Variants in AK5 observed in about 807,000 individuals in gnomAD.
AK5 encodes adenylate kinase isoenzyme 5.
AK5 carries 27 observed loss-of-function variants against 69.5 expected under a neutral mutation model. The observed-to-expected ratio is 0.39, with a 90% CI of 0.29 to 0.54. The LOEUF is 0.54. Among genes scored for constraint, AK5 ranks in the 20% least tolerant of loss-of-function variants. The probability of loss-of-function intolerance (pLI) is 0.71; values close to 1 mark genes in which losing one functional copy is unlikely to be tolerated. For missense variants in AK5, 531 were observed against 700.4 expected (o/e 0.76, Z 2.73); for synonymous variants, 260 against 244.4 (o/e 1.06, Z -0.60).
At chr1:77,293,758 T>C in intron 2 of AK5, 35 bp from the exon 3 acceptor site, 1 of 1,554,540 alleles carries the variant, frequency 6.4e-7, no homozygotes, top group Non-Finnish European at 8.7e-7. Context: ...ATTATGGTGT[T>C]TTTTCCTTTT....
chr1:77,546,170 A>G (rs1570347446), intron 13 of AK5, among the ~76,000 whole-genome samples: 3 of 152,206 alleles, frequency 2.0e-5, no homozygotes, highest in Admixed American at 2.0e-4. Flanking sequence ...AGAGAATTCC[A>G]GGCCCTTTTG....
Position 77,292,854 on chromosome 1 carries a change from C to T in AK5, c.248-939C>T, listed in dbSNP as rs17100210. Reference sequence around the variant, plus strand: ...TGTAATTCATTAAATTACCGTGGTGCTTATCAGAGAGATACTCATTTTAAC... The same window carrying T: ...TGTAATTCATTAAATTACCGTGGTGTTTATCAGAGAGATACTCATTTTAAC... On this transcript the variant is annotated intron_variant, in intron 2 of 13. Coordinates refer to ENST00000354567, the MANE Select transcript of AK5 (RefSeq NM_174858.3). Among the ~76,000 whole-genome samples the T allele has an allele frequency of 8.8e-3, 1,332 of 152,206 alleles. 24 individuals are homozygous for T. Among genetic ancestry groups the T allele is most frequent in the Admixed American group, 0.046 (710 of 15,284 alleles).
At chr1:77,358,877 G>A (rs1377752120) in intron 6 of AK5, among the ~76,000 whole-genome samples, 1 of 151,036 alleles carries the variant, frequency 6.6e-6, no homozygotes, top group African/African-American at 2.4e-5. Flanking sequence ...TATAAGGATT[G>A]GTTTAAATTA....
At chr1:77,478,870 C>T (rs1570224261) in intron 8 of AK5, among the ~76,000 whole-genome samples, 1 of 152,008 alleles carries the variant, frequency 6.6e-6, no homozygotes, top group East Asian at 1.9e-4. Flanking sequence ...ACATATATAC[C>T]CCAATTAGCC....
intron 6 of AK5, among the ~76,000 whole-genome samples, chr1:77,389,690 G>A (rs943171595): frequency 4.6e-5 from 7 of 152,160 alleles, no homozygotes; most frequent in Non-Finnish European, 1.0e-4. Flanking sequence ...GGCTGGGCAC[G>A]ATGGCTCATG....
intron 12 of AK5, among the ~76,000 whole-genome samples, chr1:77,524,272 GCATTA>G: frequency 6.6e-6 from 1 of 152,254 alleles, no homozygotes; most frequent in East Asian, 1.9e-4. Context: ...TCAAGTTCCT[GCATTA>G]GTTCTTTTGG....
chr1:77,289,091 A>C (rs1290532265), intron 2 of AK5, among the ~76,000 whole-genome samples: 1 of 152,238 alleles, frequency 6.6e-6, no homozygotes, highest in Non-Finnish European at 1.5e-5. Flanking sequence ...TTTGATAACC[A>C]AGATGAGTCC....
intron 10 of AK5, among the ~76,000 whole-genome samples, chr1:77,487,220 T>C (rs1655662304): frequency 6.6e-6 from 1 of 152,198 alleles, no homozygotes; most frequent in South Asian, 2.1e-4. Context: ...TTACCTAGTC[T>C]ATTCCTATTA....
intron 11 of AK5, among the ~76,000 whole-genome samples, chr1:77,519,437 C>T (rs1157225124): frequency 6.6e-6 from 1 of 152,194 alleles, no homozygotes; most frequent in African/African-American, 2.4e-5. Flanking sequence ...ACTCTTTTCC[C>T]TAAAGTCTCC....
chr1:77,462,200 C>T (rs1653882055), intron 8 of AK5, among the ~76,000 whole-genome samples: 1 of 152,190 alleles, frequency 6.6e-6, no homozygotes, highest in Non-Finnish European at 1.5e-5. Context: ...AGCATTACAA[C>T]TTCCACACAA....
intron 8 of AK5, among the ~76,000 whole-genome samples, chr1:77,444,310 CACAATATATGTG>C (rs1652559813): frequency 1.9e-5 from 1 of 51,436 alleles, no homozygotes; most frequent in African/African-American, 9.1e-5. Context: ...AGTATATATA[CACAATATATGTG>C]TATATATATA....
intron 2 of AK5, among the ~76,000 whole-genome samples, chr1:77,289,766 G>A (rs1027505976): frequency 1.1e-4 from 17 of 150,370 alleles, no homozygotes; most frequent in Non-Finnish European, 2.9e-5. Flanking sequence ...GGGAGGCTGA[G>A]GCAGGAGAAT....
At chr1:77,469,498 G>A (rs1654334465) in intron 8 of AK5, among the ~76,000 whole-genome samples, 1 of 152,194 alleles carries the variant, frequency 6.6e-6, no homozygotes, top group South Asian at 2.1e-4. Context: ...CTGCCTTATG[G>A]ATTTCAGACT....
intron 12 of AK5, among the ~76,000 whole-genome samples, chr1:77,531,020 G>GCACACA (rs1658541497): frequency 6.6e-6 from 1 of 152,126 alleles, no homozygotes; most frequent in Non-Finnish European, 1.5e-5. Context: ...GTGGTCCTGT[G>GCACACA]TCCGGAAATG....
At position 77,550,068 on chromosome 1, in the gene AK5, G is replaced by A. The variant is rs1026164244; in HGVS notation, c.1621-8534G>A. ...CTTGAACTCCTGGCCTCAAGCCATC[G>A]TTCACCTCAGCCTCTCCAGTAGCTA... On this transcript the variant is annotated intron_variant, in intron 13 of 13. Coordinates refer to ENST00000354567, the MANE Select transcript of AK5 (RefSeq NM_174858.3). 2.0e-5 allele frequency among the ~76,000 whole-genome samples: 3 copies of A among 151,920 alleles called. No individual in the cohort carries two copies. The South Asian group carries it at 6.2e-4, about 32-fold the overall frequency.
At chr1:77,511,067 AG>A (rs1490989412) in intron 10 of AK5, among the ~76,000 whole-genome samples, 3 of 151,476 alleles carry the variant, frequency 2.0e-5, no homozygotes, top group Non-Finnish European at 4.4e-5. Context: ...TCATATATAT[AG>A]TACCACAATA....
intron 8 of AK5, among the ~76,000 whole-genome samples, chr1:77,444,847 G>A (rs898047252): frequency 7.9e-5 from 12 of 151,268 alleles, no homozygotes; most frequent in African/African-American, 2.7e-4. Flanking sequence ...AAAGTGCTGG[G>A]ATTATCAGGT....
chr1:77,533,003 C>T (rs1658735330), intron 12 of AK5, among the ~76,000 whole-genome samples: 1 of 152,198 alleles, frequency 6.6e-6, no homozygotes, highest in African/African-American at 2.4e-5. Context: ...GATGGTATCT[C>T]ATTGAAACAT....
rs1654433075 is a variant in AK5, at chr1:77,470,850, TATATATATATA to T, written c.1060-12466_1060-12456del. Among the ~76,000 whole-genome samples the T allele has an allele frequency of 3.6e-3, 53 of 14,840 alleles. 6 individuals are homozygous for T. The highest frequency in any genetic ancestry group is 4.2e-3 in the African/African-American group (16 of 3,818). The allele number at this position is 14,840 out of a possible 152,430, so 9.7% of individuals were successfully genotyped here. A position where few individuals can be genotyped will look rare whatever the true frequency, so the allele number is the denominator to read the frequency against. Reference sequence around the variant, plus strand: ...GAATATATATATATATATATATATATATATATATATATATATATATATATATTTTTTTTTTT... The same window carrying T: ...GAATATATATATATATATATATATATTATATATATATATATTTTTTTTTTT... On this transcript the variant is annotated intron_variant, in intron 8 of 13. Coordinates refer to ENST00000354567, the MANE Select transcript of AK5 (RefSeq NM_174858.3).
Sources: allele counts gnomAD v4.1 joint callset (sites outside exome capture counted in the v4.1 genomes callset), GRCh38; gene constraint gnomAD v4.1.1; transcripts MANE v1.5; gene names NCBI Gene and HGNC (gene_info 2026-07-23, HGNC 2026-07-21).